Variants in XRN1 observed in about 807,000 individuals in gnomAD.
XRN1 encodes strand-exchange protein 1 homolog.
Under a neutral mutation model 222.3 loss-of-function variants are expected in XRN1, and 67 were observed. The ratio of observed to expected loss-of-function variants is 0.30; its 90% CI spans 0.25 to 0.37. The LOEUF is 0.37. Among genes scored for constraint, XRN1 ranks in the 10% least tolerant of loss-of-function variants. XRN1 has a pLI of 1.00. For synonymous variants in XRN1, 643 were observed against 652.4 expected (o/e 0.99, Z 0.22); for missense variants, 1,707 against 2,000.2 (o/e 0.85, Z 2.80).
At chr3:142,371,003 C>G (rs370879751) in intron 26 of XRN1, among the ~76,000 whole-genome samples, 1 of 151,796 alleles carries the variant, frequency 6.6e-6, no homozygotes, top group Non-Finnish European at 1.5e-5. Flanking sequence ...AATGTGGAGG[C>G]GTACGCCTAA....
chr3:142,425,149 C>T (rs2069193686), intron 5 of XRN1, 73 bp downstream of exon 5: 2 of 1,067,580 alleles, frequency 1.9e-6, no homozygotes, highest in Non-Finnish European at 1.3e-6. Context: ...CAGTAAGCTT[C>T]CTGTACAAAA....
At position 142,311,439 on chromosome 3, in the gene XRN1, T is replaced by TGA; in HGVS notation, c.*70_*71dup. ...TTAAAATAGTACATTCTAATTTTTA[T>TGA]GAGACATAGATATGTATTTATAAAA... On this transcript the variant is annotated 3_prime_UTR_variant, in exon 41 of 41. Transcript: ENST00000392981. 1.5e-6 allele frequency: 2 copies of TGA among 1,344,284 alleles called. No homozygotes were observed. Among genetic ancestry groups the TGA allele is most frequent in the Non-Finnish European group, 2.0e-6 (2 of 996,778 alleles). The allele number at this position is 1,344,284 out of a possible 1,614,324, so 83.3% of individuals were successfully genotyped here.
intron 1 of XRN1, among the ~76,000 whole-genome samples, chr3:142,439,354 C>T (rs2070089336): frequency 6.6e-6 from 1 of 152,184 alleles, no homozygotes; most frequent in Non-Finnish European, 1.5e-5. Context: ...AGGCAGTTCC[C>T]AGTGTAGACT....
At chr3:142,343,577 G>C (rs533042802) in intron 33 of XRN1, among the ~76,000 whole-genome samples, 2 of 152,268 alleles carry the variant, frequency 1.3e-5, no homozygotes, top group South Asian at 2.1e-4. Flanking sequence ...AAAAGATAGG[G>C]AGTAACAAAC....
intron 25 of XRN1, among the ~76,000 whole-genome samples, chr3:142,375,071 A>G (rs976655176): frequency 6.6e-6 from 1 of 152,218 alleles, no homozygotes; most frequent in East Asian, 1.9e-4. Context: ...ATGCTTCCCT[A>G]GTGCCTTCAG....
chr3:142,358,944 T>C (rs948816491), intron 30 of XRN1, among the ~76,000 whole-genome samples: 1 of 152,164 alleles, frequency 6.6e-6, no homozygotes, highest in African/African-American at 2.4e-5. Context: ...GTTTTCCAGC[T>C]GATTTTTAGA....
chr3:142,318,144 A>G (rs185166627), intron 39 of XRN1, among the ~76,000 whole-genome samples: 276 of 152,306 alleles, frequency 1.8e-3, no homozygotes, highest in Admixed American at 3.1e-3. Context: ...CTTTAAAACA[A>G]TAATAATTAA....
intron 37 of XRN1, among the ~76,000 whole-genome samples, chr3:142,328,615 T>C (rs899283388): frequency 3.8e-4 from 56 of 148,604 alleles, no homozygotes; most frequent in African/African-American, 1.4e-3. Context: ...TCTACAGCTG[T>C]TGGATGAAAT....
intron 39 of XRN1, among the ~76,000 whole-genome samples, chr3:142,313,906 C>A (rs1313902520): frequency 6.6e-6 from 1 of 152,084 alleles, no homozygotes; most frequent in Non-Finnish European, 1.5e-5. Context: ...TGTCACTGCA[C>A]TTTAACTTGG....
chr3:142,401,201 G>A (rs1054265384), intron 18 of XRN1, among the ~76,000 whole-genome samples: 1 of 152,024 alleles, frequency 6.6e-6, no homozygotes, highest in Admixed American at 6.6e-5. Flanking sequence ...CAGGAGACAC[G>A]GGTCCAAATT....
At chr3:142,431,448 A>G (rs2069519659) in intron 2 of XRN1, among the ~76,000 whole-genome samples, 1 of 152,100 alleles carries the variant, frequency 6.6e-6, no homozygotes, top group African/African-American at 2.4e-5. Context: ...TGGGAGGCCA[A>G]GGTAGGCAGA....
At chr3:142,369,563 G>T (rs967034121) in intron 27 of XRN1, among the ~76,000 whole-genome samples, 1 of 150,680 alleles carries the variant, frequency 6.6e-6, no homozygotes, top group African/African-American at 2.4e-5. Flanking sequence ...CAGAAGAATC[G>T]CTTGAATCTG....
rs759733158 is a variant in XRN1, at chr3:142,370,284, A to G, written c.3204+201T>C. On this transcript the variant is annotated intron_variant, in intron 27 of 40. Transcript: ENST00000392981. ...GCCATTAACATATTAGTGCTATACA[A>G]TATAAATTTGGCATAACACTATTGG... Among the ~76,000 whole-genome samples the G allele has an allele frequency of 5.5e-4, 84 of 152,210 alleles. 1 individual carries two copies. Among genetic ancestry groups the G allele is most frequent in the Non-Finnish European group, 2.1e-4 (14 of 68,036 alleles).
At chr3:142,412,693 AT>A (rs754899174) in intron 14 of XRN1, 30 bp from the exon 15 acceptor site, 128 of 1,428,524 alleles carry the variant, frequency 9.0e-5, no homozygotes, top group Admixed American at 7.5e-4. Flanking sequence ...TATAATAGAA[AT>A]ATAAGAACTA....
chr3:142,374,752 A>T (rs1020814453), intron 25 of XRN1, among the ~76,000 whole-genome samples: 5 of 152,166 alleles, frequency 3.3e-5, no homozygotes, highest in African/African-American at 1.2e-4. Flanking sequence ...TGAACAGAAG[A>T]AACAATCTAA....
rs188106249 is a variant in XRN1 at position 142,402,492 on chromosome 3, C to T, written c.2103+1182G>A. On this transcript the variant is annotated intron_variant, in intron 18 of 40. Coordinates refer to ENST00000392981, the MANE Select transcript of XRN1 (RefSeq NM_001282857.2). ...GCCACCATGCCCAGCCATAAACAGA[C>T]TTTCTAAACAGGTTTTTCATCTGAA... Among the ~76,000 whole-genome samples, 529 of 152,218 alleles carry T rather than the reference C, an allele frequency of 3.5e-3. 2 individuals carry two copies. Among genetic ancestry groups the T allele is most frequent in the Non-Finnish European group, 4.0e-3 (275 of 67,988 alleles).
intron 1 of XRN1, among the ~76,000 whole-genome samples, chr3:142,445,044 C>T (rs1201705267): frequency 2.0e-5 from 3 of 152,180 alleles, no homozygotes; most frequent in South Asian, 2.1e-4. Flanking sequence ...GGCACCTCTA[C>T]TATTTGTCTT....
chr3:142,412,536 G>C lies in XRN1; in HGVS notation c.1713+8C>G, dbSNP rs145791361. ...TATGTGTATGTAATGATTATTTCATGCACTGACCTCATCAATAAAAGGGAT... is the reference window on the plus strand; with the variant it reads ...TATGTGTATGTAATGATTATTTCATCCACTGACCTCATCAATAAAAGGGAT... On this transcript the variant is annotated splice_region_variant and intron_variant, in intron 15 of 40. Coordinates refer to ENST00000392981, the MANE Select transcript of XRN1 (RefSeq NM_001282857.2). The C allele has an allele frequency of 0.024, 38,236 of 1,593,830 alleles. 574 individuals carry two copies. The highest frequency in any genetic ancestry group is 0.029 in the Non-Finnish European group (33,705 of 1,166,930).
rs1322973737 is a variant in XRN1, at chr3:142,397,375, T to C, written c.2293A>G (p.Lys765Glu). ...PPSKVVHLGD[K>E]EQSNWAKEVQ... is the part of the protein sequence containing the mutation. ...TCTTTTGCCCAGTTAGATTGTTCTT[T>C]ATCTCCAAGATGAACCACTTTAGAT... Residue 765 changes from lysine (K) to glutamate (E), a missense_variant, in exon 20 of 41, where the codon AAA (lysine) becomes GAA (glutamate). Around this residue, in one of 2 missense-constraint regions of XRN1, gnomAD observed 1,234 missense variants for 1,518.2 expected, o/e 0.81. Coordinates refer to ENST00000392981, the MANE Select transcript of XRN1 (RefSeq NM_001282857.2). The C allele has an allele frequency of 6.2e-7, 1 of 1,609,662 alleles. No individual in the cohort carries two copies. The highest frequency in any genetic ancestry group is 2.2e-5 in the East Asian group (1 of 44,702).
Sources: allele counts gnomAD v4.1 joint callset (sites outside exome capture counted in the v4.1 genomes callset), GRCh38; gene constraint gnomAD v4.1.1; regional missense constraint gnomAD v4.1.1; transcripts MANE v1.5; gene names NCBI Gene and HGNC (gene_info 2026-07-23, HGNC 2026-07-21).